Variants in NDUFAF7 observed in about 807,000 individuals in gnomAD.
NDUFAF7 encodes the protein protein arginine methyltransferase NDUFAF7, mitochondrial.
NDUFAF7 carries 48 observed loss-of-function variants against 47.2 expected under a neutral mutation model. The ratio of observed to expected loss-of-function variants is 1.02; its 90% confidence interval spans 0.81 to 1.29. The LOEUF is 1.29. NDUFAF7 is among the 50% of genes most tolerant of loss of function. The pLI, the probability that NDUFAF7 is intolerant of heterozygous loss-of-function variation, is 0.00. For synonymous variants in NDUFAF7, 217 were observed against 190.0 expected, an observed-to-expected ratio of 1.14 and a Z score of -1.17; for missense variants, 635 against 537.6, an observed-to-expected ratio of 1.18 and a Z score of -1.79.
intron 8 of NDUFAF7, 93 bp downstream of exon 8, chr2:37,246,288 T>C: frequency 7.3e-7 from 1 of 1,369,006 alleles, no homozygotes; most frequent in Non-Finnish European, 1.0e-6. Flanking sequence ...CCTGGTATTG[T>C]TGTATTACAT....
the NDUFAF7 span, among the ~76,000 whole-genome samples, chr2:37,261,070 A>G: frequency 7.2e-5 from 11 of 152,258 alleles, no homozygotes; most frequent in African/African-American, 1.2e-4. Context: ...ATTTCTGGAC[A>G]TAAATCTAAA....
At position 37,246,039 on chromosome 2, in the gene NDUFAF7, A is replaced by G. The variant is rs368204310; in HGVS notation, c.793-13A>G. On this transcript the variant is annotated splice_polypyrimidine_tract_variant and intron_variant, in intron 7 of 9. Coordinates refer to ENST00000002125, the MANE Select transcript of NDUFAF7 (RefSeq NM_144736.5). The stretch of plus-strand genomic sequence containing the variant: ...ATGATGCATTTTGACTCTTGCAATG[A>G]TCCCTTTACTAGCATGACGAAACAA... 14 of 1,613,364 alleles carry G rather than the reference A, an allele frequency of 8.7e-6. No homozygotes were observed. Among genetic ancestry groups the G allele is most frequent in the Non-Finnish European group, 1.2e-5 (14 of 1,179,662 alleles).
intron 1 of NDUFAF7, 110 bp downstream of exon 1, chr2:37,231,870 C>T: frequency 1.3e-6 from 2 of 1,583,184 alleles, no homozygotes; most frequent in Non-Finnish European, 1.7e-6. Flanking sequence ...GGCTCACTTC[C>T]ACCTTGAAGG....
At chr2:37,233,691 C>G (rs549419903) in intron 2 of NDUFAF7, among the ~76,000 whole-genome samples, 1 of 151,108 alleles carries the variant, frequency 6.6e-6, no homozygotes, top group African/African-American at 2.4e-5. Context: ...TACATTTGCT[C>G]GTCATCAGCA....
chr2:37,254,418 G>T, downstream of NDUFAF7: 1 of 660,176 alleles, frequency 1.5e-6, no homozygotes, highest in South Asian at 1.7e-5. Context: ...CAAGGACGTG[G>T]ACTTTTAGCT....
chr2:37,253,871 T>A (rs2287092), downstream of NDUFAF7, among the ~76,000 whole-genome samples: 21,664 of 152,170 alleles, frequency 0.14, 1,897 homozygotes, highest in East Asian at 0.34. Flanking sequence ...CAAACATTTT[T>A]AAAAAATCTC....
chr2:37,249,584 C>G (rs1407131650), downstream of NDUFAF7, among the ~76,000 whole-genome samples: 5 of 140,126 alleles, frequency 3.6e-5, no homozygotes, highest in Admixed American at 7.1e-5. Flanking sequence ...CACACACACA[C>G]ACACACACAC....
chr2:37,249,508 C>T (rs964035308), downstream of NDUFAF7, among the ~76,000 whole-genome samples: 5 of 149,518 alleles, frequency 3.3e-5, no homozygotes, highest in South Asian at 2.1e-4. Flanking sequence ...ACCCGGGAGG[C>T]GGAGGTTGCA....
the NDUFAF7 span, among the ~76,000 whole-genome samples, chr2:37,258,650 T>G: frequency 6.6e-6 from 1 of 152,226 alleles, no homozygotes; most frequent in Admixed American, 6.5e-5. Context: ...TTTAAAACAT[T>G]GCACCAACTA....
intron 2 of NDUFAF7, among the ~76,000 whole-genome samples, chr2:37,235,625 C>T (rs935590305): frequency 7.0e-6 from 1 of 142,024 alleles, no homozygotes; most frequent in Non-Finnish European, 1.5e-5. Context: ...GGTAAAGACA[C>T]CATATTTCCC....
chr2:37,261,885 C>T, the NDUFAF7 span, among the ~76,000 whole-genome samples: 9 of 152,178 alleles, frequency 5.9e-5, no homozygotes, highest in East Asian at 1.9e-4. Flanking sequence ...CAGTAAAAAA[C>T]GTATTTTGAA....
chr2:37,237,920 C>A (rs910083872), intron 4 of NDUFAF7, 53 bp downstream of exon 4: 2 of 1,234,616 alleles, frequency 1.6e-6, no homozygotes, highest in Admixed American at 1.8e-5. Flanking sequence ...TTTAGTACTT[C>A]TGAGTGTGCA....
chr2:37,243,774 TG>T, intron 6 of NDUFAF7, 88 bp from the exon 7 acceptor site: 1 of 879,124 alleles, frequency 1.1e-6, no homozygotes, highest in Non-Finnish European at 1.9e-6. Context: ...TAGTTACTTA[TG>T]GTAAGAGGAG....
chr2:37,237,875 A>AT lies in NDUFAF7; in HGVS notation c.408+9dup. On this transcript the variant is annotated intron_variant, in intron 4 of 9. Coordinates refer to ENST00000002125, the MANE Select transcript of NDUFAF7 (RefSeq NM_144736.5). ...GTGGGAGATATTTTGAGGGTAGGTA[A>AT]TAAAAGAATGTCTTCTAGTCTCATA... 1 of 1,564,362 alleles carries AT rather than the reference A, an allele frequency of 6.4e-7. No homozygotes were observed. Among genetic ancestry groups the AT allele is most frequent in the Non-Finnish European group, 8.8e-7 (1 of 1,135,098 alleles).
chr2:37,232,817 A>G (rs533783768), intron 2 of NDUFAF7, among the ~76,000 whole-genome samples: 40 of 152,340 alleles, frequency 2.6e-4, no homozygotes, highest in Admixed American at 2.0e-3. Flanking sequence ...AGGCACAGTC[A>G]CAGCTTTCTG....
At chr2:37,236,668 C>G (rs984965320) in intron 3 of NDUFAF7, among the ~76,000 whole-genome samples, 6 of 151,604 alleles carry the variant, frequency 4.0e-5, no homozygotes, top group Middle Eastern at 3.2e-3. Flanking sequence ...GTAGTCCCAG[C>G]TACTTGGGAG....
chr2:37,267,444 C>G, the NDUFAF7 span: 1 of 1,599,012 alleles, frequency 6.3e-7, no homozygotes, highest in Non-Finnish European at 8.5e-7. Context: ...AAAATAGCCA[C>G]TTCATTACGG....
chr2:37,236,383 G>C (rs2148396403), intron 3 of NDUFAF7, among the ~76,000 whole-genome samples: 1 of 152,228 alleles, frequency 6.6e-6, no homozygotes, highest in Admixed American at 6.5e-5. Context: ...ATACTCCACT[G>C]TAGGAAGGGA....
chr2:37,241,516 T>G, intron 4 of NDUFAF7, 62 bp from the exon 5 acceptor site: 1 of 1,328,718 alleles, frequency 7.5e-7, no homozygotes, highest in South Asian at 1.2e-5. Flanking sequence ...TTGATGTAAA[T>G]GATTAGGAAA....
Sources: gnomAD v4.1 joint callset for allele counts (sites outside exome capture counted in the v4.1 genomes callset) on GRCh38, gnomAD v4.1.1 for gene constraint, MANE v1.5 for transcripts, NCBI Gene and HGNC (gene_info 2026-07-23, HGNC 2026-07-21) for gene names.